INPP4B: variants seen among roughly 807,000 people sequenced by gnomAD.
The protein encoded by INPP4B is inositol polyphosphate 4-phosphatase type II.
In INPP4B, 55 loss-of-function variants were observed where a neutral mutation model predicts 122.5. The ratio of observed to expected loss-of-function variants is 0.45; its 90% CI spans 0.36 to 0.56. The LOEUF (loss-of-function observed/expected upper bound fraction) is 0.56. Among genes scored for constraint, INPP4B ranks in the 20% least tolerant of loss-of-function variants. INPP4B has a pLI of 0.00. For missense variants in INPP4B, 1,000 were observed against 1,097.7 expected (o/e 0.91, Z 1.26); for synonymous variants, 403 against 388.7 (o/e 1.04, Z -0.43).
At chr4:142,818,790 C>G (rs1262278386) in intron 1 of INPP4B, among the ~76,000 whole-genome samples, 1 of 152,070 alleles carries the variant, frequency 6.6e-6, no homozygotes, top group Non-Finnish European at 1.5e-5. Context: ...AGCCCCTCGC[C>G]CTTATTAGTT....
At chr4:142,064,458 A>G (rs562684257) in intron 25 of INPP4B, among the ~76,000 whole-genome samples, 4 of 152,306 alleles carry the variant, frequency 2.6e-5, no homozygotes, top group African/African-American at 9.6e-5. Context: ...CTTTATGACC[A>G]AGTAATACTT....
At chr4:142,497,567 G>A (rs1822751872) in intron 2 of INPP4B, among the ~76,000 whole-genome samples, 1 of 152,016 alleles carries the variant, frequency 6.6e-6, no homozygotes, top group African/African-American at 2.4e-5. Flanking sequence ...ATGCTTTATT[G>A]GGGAAACACA....
chr4:142,720,946 T>G (rs13141925), intron 2 of INPP4B, among the ~76,000 whole-genome samples: 1 of 139,702 alleles, frequency 7.2e-6, no homozygotes, highest in African/African-American at 2.7e-5. Context: ...CAGCATCATA[T>G]ATATAGAGAG....
chr4:142,672,425 GTGTTTGTT>G (rs375830005), intron 2 of INPP4B, among the ~76,000 whole-genome samples: 1 of 151,934 alleles, frequency 6.6e-6, no homozygotes, highest in Non-Finnish European at 1.5e-5. Flanking sequence ...TTTTTTGGTG[GTGTTTGTT>G]TGTTTGTTTG....
At chr4:142,451,615 A>G (rs1814239503) in intron 3 of INPP4B, among the ~76,000 whole-genome samples, 1 of 152,118 alleles carries the variant, frequency 6.6e-6, no homozygotes, top group African/African-American at 2.4e-5. Context: ...GTTACTTAAC[A>G]AAGAGATAAT....
At chr4:142,433,094 C>A (rs890767857) in intron 3 of INPP4B, among the ~76,000 whole-genome samples, 6 of 152,010 alleles carry the variant, frequency 3.9e-5, no homozygotes, top group African/African-American at 1.4e-4. Context: ...TATGAGATAA[C>A]CTCTTGATAT....
chr4:142,700,816 A>G (rs1761659618), intron 2 of INPP4B, among the ~76,000 whole-genome samples: 2 of 152,120 alleles, frequency 1.3e-5, no homozygotes, highest in South Asian at 4.1e-4. Context: ...TTTTTATACC[A>G]GCTTTCAGTA....
chr4:142,608,655 T>C lies in INPP4B; in HGVS notation c.-191+117184A>G, dbSNP rs370987441. On this transcript the variant is annotated intron_variant, in intron 2 of 25. Transcript: ENST00000262992. ...CCCTTTGGTCTCCACTTGCTCTCCC[T>C]CTGACCTACTCTGTACAACACCCTC... Among the ~76,000 whole-genome samples the C allele has an allele frequency of 3.3e-5, 5 of 152,224 alleles. No homozygotes were observed. The East Asian group carries it at 5.8e-4, about 18-fold the overall frequency.
chr4:142,540,645 T>C (rs947782302), intron 2 of INPP4B, among the ~76,000 whole-genome samples: 1 of 152,170 alleles, frequency 6.6e-6, no homozygotes, highest in African/African-American at 2.4e-5. Flanking sequence ...ATACTAAAAG[T>C]AATTAATATG....
chr4:142,258,048 G>T (rs1367381426), intron 11 of INPP4B, among the ~76,000 whole-genome samples: 2 of 151,726 alleles, frequency 1.3e-5, no homozygotes, highest in Non-Finnish European at 2.9e-5. Flanking sequence ...AAATAACGCC[G>T]CAAATCTACA....
chr4:142,426,530 A>T (rs891634227), intron 5 of INPP4B: 3 of 152,016 alleles, frequency 2.0e-5, no homozygotes, highest in Admixed American at 1.3e-4. Flanking sequence ...TTAGAAATAC[A>T]GTTAACAATG....
intron 2 of INPP4B, among the ~76,000 whole-genome samples, chr4:142,703,391 T>C (rs1422979037): frequency 6.6e-6 from 1 of 152,208 alleles, no homozygotes; most frequent in African/African-American, 2.4e-5. Flanking sequence ...TAGGTCACAA[T>C]ACTATTATGG....
At chr4:142,084,311 T>C (rs115948738) in intron 24 of INPP4B, among the ~76,000 whole-genome samples, 2,241 of 151,982 alleles carry the variant, frequency 0.015, 55 homozygotes, top group African/African-American at 0.051. Context: ...TTAGTAGAGA[T>C]GGAGTTTCAC....
At chr4:142,276,917 G>T (rs1411154992) in intron 9 of INPP4B, among the ~76,000 whole-genome samples, 1 of 151,884 alleles carries the variant, frequency 6.6e-6, no homozygotes, top group African/African-American at 2.4e-5. Context: ...ACCAGCTCTA[G>T]CTCCTTGAAT....
At chr4:142,731,375 G>T (rs1766062722) in intron 1 of INPP4B, among the ~76,000 whole-genome samples, 1 of 152,074 alleles carries the variant, frequency 6.6e-6, no homozygotes, top group Non-Finnish European at 1.5e-5. Context: ...CATAGCATTT[G>T]CCTCTAAAAA....
chr4:142,303,499 G>C lies in INPP4B; in HGVS notation c.503+1959C>G, dbSNP rs552361206. ...AAATGCTTCTTAAGGCTGACCTAAGGCTCTTCTAACTCAATACTTAAGAGA... is the reference window on the plus strand; with the variant it reads ...AAATGCTTCTTAAGGCTGACCTAAGCCTCTTCTAACTCAATACTTAAGAGA... On this transcript the variant is annotated intron_variant, in intron 9 of 25. Transcript: ENST00000262992. Among the ~76,000 whole-genome samples the C allele has an allele frequency of 2.8e-3, 426 of 152,092 alleles. 2 individuals carry two copies. The highest frequency in any genetic ancestry group is 4.6e-3 in the Non-Finnish European group (310 of 67,948).
At chr4:142,482,959 G>A (rs1560708869) in intron 2 of INPP4B, among the ~76,000 whole-genome samples, 1 of 151,932 alleles carries the variant, frequency 6.6e-6, no homozygotes, top group Non-Finnish European at 1.5e-5. Flanking sequence ...GATTATCTAT[G>A]AATACATAAT....
intron 7 of INPP4B, among the ~76,000 whole-genome samples, chr4:142,330,357 T>C (rs1430962381): frequency 3.3e-5 from 5 of 152,236 alleles, no homozygotes; most frequent in African/African-American, 1.2e-4. Flanking sequence ...TAAAATATCT[T>C]GAAAATCCAT....
chr4:142,375,732 A>G (rs1579888215), intron 7 of INPP4B, among the ~76,000 whole-genome samples: 1 of 151,988 alleles, frequency 6.6e-6, no homozygotes, highest in South Asian at 2.1e-4. Flanking sequence ...TTTTGCATTT[A>G]TCTTGCAACT....
Sources: allele counts gnomAD v4.1 joint callset (sites outside exome capture counted in the v4.1 genomes callset), GRCh38; gene constraint gnomAD v4.1.1; transcripts MANE v1.5; gene names NCBI Gene and HGNC (gene_info 2026-07-23, HGNC 2026-07-21).